COL18A1: variants seen among roughly 807,000 people sequenced by gnomAD.
The protein encoded by COL18A1 is collagen alpha-1(XVIII) chain.
COL18A1 carries 133 observed loss-of-function variants against 168.0 expected under a neutral mutation model. The ratio of observed to expected loss-of-function variants is 0.79; its 90% confidence interval spans 0.69 to 0.91. COL18A1 has a LOEUF of 0.91. Among genes scored for constraint, COL18A1 ranks in the 40% least tolerant of loss-of-function variants. COL18A1 has a pLI of 0.00. For missense variants in COL18A1, 2,126 were observed against 1,925.4 expected (o/e 1.10, Z -1.95); for synonymous variants, 949 against 809.0 (o/e 1.17, Z -2.94).
intron 2 of COL18A1, among the ~76,000 whole-genome samples, chr21:45,448,335 C>A (rs576835120): frequency 1.3e-5 from 2 of 152,322 alleles, no homozygotes; most frequent in African/African-American, 4.8e-5. Flanking sequence ...CGTGTGCACA[C>A]AAGAATATCT....
intron 15 of COL18A1, among the ~76,000 whole-genome samples, chr21:45,483,032 C>A (rs2035954609): frequency 6.6e-6 from 1 of 152,234 alleles, no homozygotes; most frequent in Admixed American, 6.5e-5. Flanking sequence ...GCCCTTGTCA[C>A]TTTTGTGATG....
intron 6 of COL18A1, 126 bp from the exon 7 acceptor site, chr21:45,477,285 C>CTGT: frequency 2.7e-6 from 2 of 729,018 alleles, no homozygotes; most frequent in East Asian, 5.4e-5. Context: ...GGCTGGGGAT[C>CTGT]TGACAGTGTC....
At chr21:45,509,033 T>A (rs911955955) in intron 38 of COL18A1, among the ~76,000 whole-genome samples, 2 of 152,038 alleles carry the variant, frequency 1.3e-5, no homozygotes, top group Non-Finnish European at 2.9e-5. Flanking sequence ...GGTCGCCGTG[T>A]TGAGGTCAGG....
At position 45,510,208 on chromosome 21, in the gene COL18A1, T is replaced by C. The variant is rs1462198892; in HGVS notation, c.3640T>C (p.Tyr1214His). 3 of 1,604,732 alleles carry C rather than the reference T, an allele frequency of 1.9e-6. No homozygotes were observed. The East Asian group carries it at 6.8e-5, about 36-fold the overall frequency. Residue 1214 changes from tyrosine to histidine, a missense_variant, in exon 40 of 42, where the codon TAC (tyrosine) becomes CAC (histidine). Physicochemically the swap from Tyr to His is moderately conservative, Grantham distance 83 (BLOSUM62 2). Transcript: ENST00000651438. ...AFLSSRLQDL[Y>H]SIVRRADRAA... ...CCTGTCCTCGCGCCTGCAGGACCTG[T>C]ACAGCATCGTGCGCCGTGCCGACCG... is the stretch of plus-strand genomic sequence containing the variant.
intron 26 of COL18A1, 142 bp downstream of exon 26, chr21:45,493,717 G>A (rs1224972541): frequency 4.5e-6 from 3 of 665,726 alleles, no homozygotes; most frequent in Non-Finnish European, 7.7e-6. Flanking sequence ...GCCTGGCCCT[G>A]GTGGCCCCTC....
chr21:45,509,751 G>C, intron 39 of COL18A1, 150 bp downstream of exon 39: 1 of 701,496 alleles, frequency 1.4e-6, no homozygotes, highest in Non-Finnish European at 2.6e-6. Context: ...GGGCGGCTTG[G>C]CTGGCCCTGG....
Position 45,489,874 on chromosome 21 carries a change from C to T in COL18A1, c.1959+353C>T, listed in dbSNP as rs1481287651. Among the ~76,000 whole-genome samples, 3 of 63,966 alleles carry T rather than the reference C, an allele frequency of 4.7e-5. No individual in the cohort carries two copies. The East Asian group carries it at 1.4e-3, about 29-fold the overall frequency. The allele number at this position is 63,966 out of a possible 152,430, so 42.0% of individuals were successfully genotyped here. On this transcript the variant is annotated intron_variant, in intron 19 of 41. Transcript: ENST00000651438. ...GCCTCCCCCACTTGCCCCTCCCCCA[C>T]ACCTCCTCCCCGACTTCCCCCTCCC... is the stretch of plus-strand genomic sequence containing the variant.
chr21:45,441,821 A>T (rs74927037), intron 2 of COL18A1, among the ~76,000 whole-genome samples: 6,453 of 152,238 alleles, frequency 0.042, 174 homozygotes, highest in African/African-American at 0.074. Context: ...TCCTTAAAGG[A>T]TGGAGCACGC....
chr21:45,476,182 C>T (rs879847428), intron 5 of COL18A1, among the ~76,000 whole-genome samples, 169 bp from the exon 6 acceptor site: 9 of 152,222 alleles, frequency 5.9e-5, no homozygotes, highest in Admixed American at 4.6e-4. Context: ...CACACCCCTG[C>T]GGCCCACGGA....
chr21:45,455,676 AG>A (rs1568879616), intron 2 of COL18A1: 5 of 1,613,818 alleles, frequency 3.1e-6, no homozygotes. Context: ...CCTGAGCCCC[AG>A]GGGCCCCTGC....
intron 2 of COL18A1, among the ~76,000 whole-genome samples, chr21:45,442,175 C>T (rs933006497): frequency 2.0e-5 from 3 of 152,160 alleles, no homozygotes; most frequent in African/African-American, 7.2e-5. Context: ...GGGGCCACAG[C>T]CTTGAGCCTG....
Position 45,504,574 on chromosome 21 carries a change from C to G in COL18A1, c.2868+18C>G. ...GGATTCCAGTAAGTCCCAGCCTGTGCAGGCAGAGCCCATGTCCCAGGGGTC... is the reference window on the plus strand; with the variant it reads ...GGATTCCAGTAAGTCCCAGCCTGTGGAGGCAGAGCCCATGTCCCAGGGGTC... On this transcript the variant is annotated intron_variant, in intron 34 of 41. Coordinates refer to ENST00000651438, the MANE Select transcript of COL18A1 (RefSeq NM_001379500.1). The G allele has an allele frequency of 6.4e-7, 1 of 1,561,310 alleles. No homozygotes were observed. The highest frequency in any genetic ancestry group is 8.7e-7 in the Non-Finnish European group (1 of 1,154,092).
intron 2 of COL18A1, among the ~76,000 whole-genome samples, chr21:45,412,105 G>T (rs1356980871): frequency 3.9e-5 from 6 of 152,150 alleles, no homozygotes; most frequent in African/African-American, 9.7e-5. Flanking sequence ...TGCCCTGCAG[G>T]TGCATTCTCT....
chr21:45,456,697 C>T, intron 2 of COL18A1: 1 of 1,532,712 alleles, frequency 6.5e-7, no homozygotes, highest in Non-Finnish European at 8.7e-7. Flanking sequence ...CCTGGTTCTT[C>T]TGCCTGCTGC....
At chr21:45,497,884 C>T (rs2036595803) in intron 32 of COL18A1, 1 of 625,690 alleles carries the variant, frequency 1.6e-6, no homozygotes, top group African/African-American at 1.8e-5. Context: ...GCAAGATAGC[C>T]CCATCACCTC....
intron 9 of COL18A1, among the ~76,000 whole-genome samples, chr21:45,479,176 G>A (rs954909837): frequency 4.6e-4 from 64 of 137,938 alleles, no homozygotes; most frequent in African/African-American, 1.5e-3. Flanking sequence ...GTGTGACTGC[G>A]CGTGTGTGTG....
Position 45,507,609 on chromosome 21 carries a change from T to A in COL18A1, c.3249+16T>A, listed in dbSNP as rs2037297378. On this transcript the variant is annotated intron_variant, in intron 38 of 41. Coordinates refer to ENST00000651438, the MANE Select transcript of COL18A1 (RefSeq NM_001379500.1). ...ACGAGGGACGGTAAGGAGCCTTTTT[T>A]CTGTTGAGACTGGTGGGTGGTCAGG... is the stretch of plus-strand genomic sequence containing the variant. The A allele has an allele frequency of 6.2e-7, 1 of 1,612,456 alleles. No homozygotes were observed. Among genetic ancestry groups the A allele is most frequent in the Non-Finnish European group, 8.5e-7 (1 of 1,179,324 alleles).
intron 2 of COL18A1, among the ~76,000 whole-genome samples, chr21:45,436,811 T>C (rs2034114278): frequency 6.8e-6 from 1 of 147,396 alleles, no homozygotes; most frequent in Non-Finnish European, 1.5e-5. Context: ...GAGCTGTGGC[T>C]ACTGGGGAGC....
At chr21:45,415,571 C>T (rs903432565) in intron 2 of COL18A1, among the ~76,000 whole-genome samples, 9 of 152,180 alleles carry the variant, frequency 5.9e-5, no homozygotes, top group Non-Finnish European at 8.8e-5. Context: ...AGGTGGGAAC[C>T]AGCGTGGTGT....
Sources: gnomAD v4.1 joint callset for allele counts (sites outside exome capture counted in the v4.1 genomes callset) on GRCh38, gnomAD v4.1.1 for gene constraint, MANE v1.5 for transcripts, NCBI Gene and HGNC (gene_info 2026-07-23, HGNC 2026-07-21) for gene names.